Variants in TRAPPC9 observed in about 807,000 individuals in gnomAD.
TRAPPC9 encodes the protein trafficking protein particle complex subunit 9, also known as IKK2 binding protein.
TRAPPC9 carries 83 observed loss-of-function variants against 124.0 expected under a neutral mutation model. That is an observed-to-expected ratio of 0.67 (90% CI 0.56 to 0.80). The LOEUF (loss-of-function observed/expected upper bound fraction) is 0.80, where lower values mean the gene tolerates loss of function less well. Ranked by LOEUF, TRAPPC9 falls within the 30% of genes least tolerant of loss-of-function variation. TRAPPC9 has a pLI of 0.00. For synonymous variants in TRAPPC9, 638 were observed against 617.5 expected (o/e 1.03, Z -0.49); for missense variants, 1,302 against 1,508.3 (o/e 0.86, Z 2.27).
chr8:140,019,542 CTTTTTTTTTT>C (rs71320340), intron 18 of TRAPPC9, among the ~76,000 whole-genome samples: 13 of 43,860 alleles, frequency 3.0e-4, no homozygotes, highest in African/African-American at 1.1e-3. Context: ...TAATTTGTGT[CTTTTTTTTTT>C]TTTTTTTTTT....
chr8:140,283,381 G>A (rs1413183419), intron 14 of TRAPPC9, among the ~76,000 whole-genome samples: 18 of 129,730 alleles, frequency 1.4e-4, no homozygotes, highest in South Asian at 2.5e-4. Context: ...TGCAAGCTCC[G>A]CCTCCTGGGT....
intron 21 of TRAPPC9, among the ~76,000 whole-genome samples, chr8:139,778,426 C>A (rs1323720834): frequency 6.6e-6 from 1 of 152,014 alleles, no homozygotes; most frequent in African/African-American, 2.4e-5. Flanking sequence ...ACCAGGCATG[C>A]AAAGAAACAG....
At chr8:140,156,576 GC>G (rs773912874) in intron 17 of TRAPPC9, among the ~76,000 whole-genome samples, 1 of 152,220 alleles carries the variant, frequency 6.6e-6, no homozygotes, top group Admixed American at 6.5e-5. Flanking sequence ...TGTCTCTGCA[GC>G]GGGAGCCTCG....
rs148063131 is a variant in TRAPPC9 at position 140,336,680 on chromosome 8, T to C, written c.1495+23370A>G. On this transcript the variant is annotated intron_variant, in intron 9 of 22. Transcript: ENST00000438773. ...GCAAGCAACAAAATGAAGGGGTAGC[T>C]GAATAAATTACATTCTGACATTTTC... Among the ~76,000 whole-genome samples the C allele has an allele frequency of 1.5e-3, 235 of 152,288 alleles. 1 individual carries two copies. The highest frequency in any genetic ancestry group is 5.3e-3 in the African/African-American group (222 of 41,526).
chr8:139,871,981 C>T (rs1355766837), intron 21 of TRAPPC9, among the ~76,000 whole-genome samples: 3 of 148,586 alleles, frequency 2.0e-5, no homozygotes, highest in Non-Finnish European at 3.0e-5. Context: ...GGTGGATGGG[C>T]TTGTGGATAA....
chr8:140,310,505 T>TG (rs2066267139), intron 10 of TRAPPC9, among the ~76,000 whole-genome samples: 1 of 152,216 alleles, frequency 6.6e-6, no homozygotes, highest in African/African-American at 2.4e-5. Context: ...ATAAACCTTT[T>TG]GCAGGTCCTA....
upstream of TRAPPC9, chr8:140,458,332 G>T (rs2071778147): frequency 1.3e-6 from 2 of 1,580,446 alleles, no homozygotes; most frequent in African/African-American, 1.3e-5. Flanking sequence ...GAAGCTCAGG[G>T]GTGGAGGCCC....
Position 140,064,639 on chromosome 8 carries a change from A to C in TRAPPC9, c.2557-40560T>G, listed in dbSNP as rs145798256. 3.3e-3 allele frequency among the ~76,000 whole-genome samples: 507 copies of C among 152,356 alleles called. 2 individuals are homozygous for C. Among genetic ancestry groups the C allele is most frequent in the African/African-American group, 0.011 (477 of 41,578 alleles). ...CAGAGGCTTAAATGCTGGAGGGCTA[A>C]GTGCAGCGGCAGGAAGCTGTGAAGA... On this transcript the variant is annotated intron_variant, in intron 17 of 22. Transcript: ENST00000438773.
At chr8:140,012,038 T>C (rs1269139583) in intron 18 of TRAPPC9, among the ~76,000 whole-genome samples, 1 of 152,124 alleles carries the variant, frequency 6.6e-6, no homozygotes, top group Admixed American at 6.5e-5. Context: ...TCTTGATCTC[T>C]TGACCTCATG....
rs181409785 is a variant in TRAPPC9 at position 140,304,308 on chromosome 8, C to T, written c.1623-3694G>A. The stretch of plus-strand genomic sequence containing the variant: ...CGGAGTTTCGCCATGTTGGCCAGGC[C>T]GGTCTCGAACTCCTGACCTCCAGTG... On this transcript the variant is annotated intron_variant, in intron 10 of 22. Coordinates refer to ENST00000438773, the MANE Select transcript of TRAPPC9 (RefSeq NM_001160372.4). Among the ~76,000 whole-genome samples the T allele has an allele frequency of 5.9e-5, 9 of 152,104 alleles. No individual in the cohort carries two copies. In the East Asian group the frequency reaches 1.2e-3, roughly 20 times the overall value.
intron 9 of TRAPPC9, among the ~76,000 whole-genome samples, chr8:140,334,404 C>G (rs1171187294): frequency 6.6e-6 from 1 of 151,816 alleles, no homozygotes; most frequent in African/African-American, 2.4e-5. Context: ...AATCCCAGCA[C>G]TTTGGGAGGC....
intron 7 of TRAPPC9, among the ~76,000 whole-genome samples, chr8:140,392,237 T>A (rs60852471): frequency 0.036 from 5,462 of 152,196 alleles, 214 homozygotes; most frequent in African/African-American, 0.097. Context: ...TTTGCAAAGT[T>A]GTTGTGATGA....
intron 19 of TRAPPC9, chr8:139,911,142 G>A (rs770063972): frequency 8.6e-5 from 13 of 151,950 alleles, no homozygotes; most frequent in Non-Finnish European, 1.8e-4. Context: ...ATTGAATCAT[G>A]GGGGTGGCTT....
Position 140,405,673 on chromosome 8 carries a change from G to C in TRAPPC9, c.912C>G (p.Asn304Lys). Residue 304 changes from asparagine to lysine, a missense_variant, in exon 6 of 23, where the codon AAC becomes AAG. By Grantham distance (94) the Asn-to-Lys change is moderately conservative (BLOSUM62 0). This residue lies in a region of TRAPPC9 where 657 missense variants were observed against 811.2 expected (regional missense o/e 0.81). Transcript: ENST00000438773. ...GTCCGATCTCAGTACTGGTGTCAGG[G>C]TTGATGCCATTGGTGGTGAGGGCAC... ...DPGALTTNGINPDTSTEIGRA... is the reference protein window; with the variant it reads ...DPGALTTNGIKPDTSTEIGRA... 6.2e-7 allele frequency: 1 copy of C among 1,614,166 alleles called. No homozygotes were observed. The highest frequency in any genetic ancestry group is 8.5e-7 in the Non-Finnish European group (1 of 1,180,016).
chr8:140,215,467 AC>A lies in TRAPPC9; in HGVS notation c.2556+5991del, dbSNP rs377010422. ...GGACCAGCCCAGGCAACACAGTGAA[AC>A]CCCATCTCTACTAAAATACAAAAAA... On this transcript the variant is annotated intron_variant, in intron 17 of 22. Coordinates refer to ENST00000438773, the MANE Select transcript of TRAPPC9 (RefSeq NM_001160372.4). Among the ~76,000 whole-genome samples the A allele has an allele frequency of 4.4e-3, 670 of 151,614 alleles. 7 individuals are homozygous for A. The highest frequency in any genetic ancestry group is 0.015 in the African/African-American group (625 of 41,312).
chr8:139,813,446 G>A (rs187314990), intron 21 of TRAPPC9, among the ~76,000 whole-genome samples: 13 of 152,324 alleles, frequency 8.5e-5, no homozygotes, highest in East Asian at 1.9e-4. Context: ...TTCTGGAACC[G>A]TCCTCTAGAA....
intron 14 of TRAPPC9, 66 bp downstream of exon 14, chr8:140,283,823 A>G: frequency 1.9e-6 from 3 of 1,601,132 alleles, no homozygotes; most frequent in Non-Finnish European, 2.6e-6. Context: ...ATTAAAAAAA[A>G]AAAAAATGTA....
intron 21 of TRAPPC9, among the ~76,000 whole-genome samples, chr8:139,864,693 C>T (rs543609301): frequency 4.1e-4 from 61 of 148,784 alleles, no homozygotes; most frequent in Non-Finnish European, 4.7e-4. Context: ...GCATGCCGAC[C>T]GCCAGCAAGC....
At chr8:140,340,793 C>T (rs1441596733) in intron 9 of TRAPPC9, among the ~76,000 whole-genome samples, 1 of 152,178 alleles carries the variant, frequency 6.6e-6, no homozygotes, top group East Asian at 1.9e-4. Flanking sequence ...AGCATCTTCC[C>T]CAAGGCCACT....
Sources: gnomAD v4.1 joint callset for allele counts (sites outside exome capture counted in the v4.1 genomes callset) on GRCh38, gnomAD v4.1.1 for gene constraint, gnomAD v4.1.1 regional missense constraint, MANE v1.5 for transcripts, NCBI Gene and HGNC (gene_info 2026-07-23, HGNC 2026-07-21) for gene names.